PPP1R9A: variants seen among roughly 807,000 people sequenced by gnomAD.
PPP1R9A encodes the protein protein phosphatase 1 regulatory subunit 9A, also known as neurabin-1.
A neutral mutation model predicts 141.9 loss-of-function variants in PPP1R9A; 59 were observed. The observed-to-expected ratio is 0.42, with a 90% confidence interval of 0.34 to 0.52. The LOEUF (loss-of-function observed/expected upper bound fraction) is 0.52, where lower values mean the gene tolerates loss of function less well. Ranked by LOEUF, PPP1R9A falls within the 20% of genes least tolerant of loss-of-function variation. The probability of loss-of-function intolerance (pLI) is 0.10; values close to 1 mark genes in which losing one functional copy is unlikely to be tolerated. For synonymous variants in PPP1R9A, 500 were observed against 569.7 expected, an observed-to-expected ratio of 0.88 and a Z score of 1.74; for missense variants, 1,444 against 1,611.9, an observed-to-expected ratio of 0.90 and a Z score of 1.78.
intron 4 of PPP1R9A, among the ~76,000 whole-genome samples, chr7:95,123,874 A>G (rs1488220219): frequency 1.3e-5 from 2 of 152,210 alleles, no homozygotes; most frequent in East Asian, 3.8e-4. Context: ...TTCTTGAACC[A>G]AGTAAGAGTA....
At chr7:95,203,174 A>C (rs1422817624) in intron 6 of PPP1R9A, among the ~76,000 whole-genome samples, 1 of 151,948 alleles carries the variant, frequency 6.6e-6, no homozygotes, top group Non-Finnish European at 1.5e-5. Flanking sequence ...TTTTTTTAGA[A>C]TCTTTTAAAG....
chr7:94,914,897 G>C (rs1340951531), intron 2 of PPP1R9A, among the ~76,000 whole-genome samples: 1 of 152,164 alleles, frequency 6.6e-6, no homozygotes, highest in African/African-American at 2.4e-5. Flanking sequence ...AAGCTCTCAG[G>C]CTGTTCCCAA....
chr7:94,990,055 T>C (rs1801320411), intron 2 of PPP1R9A, among the ~76,000 whole-genome samples: 1 of 152,134 alleles, frequency 6.6e-6, no homozygotes, highest in Non-Finnish European at 1.5e-5. Context: ...AGTCATTTTA[T>C]ACATAATAAA....
chr7:94,916,129 A>G (rs928279961), intron 2 of PPP1R9A, among the ~76,000 whole-genome samples: 2 of 152,106 alleles, frequency 1.3e-5, no homozygotes, highest in Non-Finnish European at 2.9e-5. Flanking sequence ...TTGCATTCTC[A>G]TTATCAATAC....
chr7:95,162,091 T>C (rs550718464), intron 5 of PPP1R9A, 120 bp downstream of exon 5: 155 of 556,604 alleles, frequency 2.8e-4, no homozygotes, highest in African/African-American at 1.7e-3. Flanking sequence ...AGTAAAACTT[T>C]GCTTTTAGTT....
At chr7:95,140,682 C>T (rs1276059754) in intron 4 of PPP1R9A, among the ~76,000 whole-genome samples, 1 of 152,188 alleles carries the variant, frequency 6.6e-6, no homozygotes, top group African/African-American at 2.4e-5. Context: ...TGACCCACCA[C>T]AACTGGCCAG....
At chr7:95,112,366 A>G (rs1563252681) in intron 3 of PPP1R9A, among the ~76,000 whole-genome samples, 1 of 152,336 alleles carries the variant, frequency 6.6e-6, no homozygotes, top group East Asian at 1.9e-4. Context: ...ATGAGACACC[A>G]TCTCACACCA....
In PPP1R9A at chr7:95,092,754, G is replaced by A. The variant is rs547547719; in HGVS notation, c.1396-18505G>A. 1.4e-4 allele frequency among the ~76,000 whole-genome samples: 21 copies of A among 152,298 alleles called. No individual in the cohort carries two copies. In the East Asian group the frequency reaches 2.3e-3, roughly 17 times the overall value. ...CAAATGAAATGCGGCATATAAGTAC[G>A]AAAGGACTACAGGTGTTCTAGACAA... On this transcript the variant is annotated intron_variant, in intron 2 of 19. Coordinates refer to ENST00000433360, the MANE Select transcript of PPP1R9A (RefSeq NM_001166160.2).
chr7:94,986,058 G>A (rs575064270), intron 2 of PPP1R9A, among the ~76,000 whole-genome samples: 3 of 152,218 alleles, frequency 2.0e-5, no homozygotes, highest in South Asian at 2.1e-4. Flanking sequence ...AAATATAATG[G>A]AGAAAATTTT....
At chr7:95,144,668 T>A (rs1384774869) in intron 4 of PPP1R9A, among the ~76,000 whole-genome samples, 2 of 152,150 alleles carry the variant, frequency 1.3e-5, no homozygotes, top group Non-Finnish European at 1.5e-5. Flanking sequence ...ACATTACCTT[T>A]AAGATCAGGG....
chr7:94,986,588 A>G (rs1011609171), intron 2 of PPP1R9A, among the ~76,000 whole-genome samples: 1 of 152,210 alleles, frequency 6.6e-6, no homozygotes, highest in African/African-American at 2.4e-5. Context: ...AATTTAGTGT[A>G]TATTTTCAAA....
At chr7:95,162,923 C>T (rs755756917) in intron 5 of PPP1R9A, among the ~76,000 whole-genome samples, 13 of 152,162 alleles carry the variant, frequency 8.5e-5, no homozygotes, top group Admixed American at 5.9e-4. Context: ...CTTCTGTGGG[C>T]GCTATGTTGA....
At chr7:94,963,980 A>G (rs1021586581) in intron 2 of PPP1R9A, among the ~76,000 whole-genome samples, 1 of 152,142 alleles carries the variant, frequency 6.6e-6, no homozygotes, top group Non-Finnish European at 1.5e-5. Context: ...AGGAAAATAT[A>G]TATTCCAACT....
chr7:94,983,956 T>A (rs980886554), intron 2 of PPP1R9A, among the ~76,000 whole-genome samples: 59 of 152,208 alleles, frequency 3.9e-4, no homozygotes, highest in Non-Finnish European at 7.8e-4. Flanking sequence ...AGTATGATAC[T>A]GGCTGTGGGT....
At chr7:95,117,840 A>G (rs1468476227) in intron 3 of PPP1R9A, among the ~76,000 whole-genome samples, 1 of 152,200 alleles carries the variant, frequency 6.6e-6, no homozygotes, top group African/African-American at 2.4e-5. Flanking sequence ...ATACTAATAC[A>G]TATATACACC....
In PPP1R9A at chr7:95,120,715, A is replaced by G. The variant is rs1209605341; in HGVS notation, c.1532A>G (p.Glu511Gly). ...ELFPVELEKD[E>G]DGLGISIIGM... ...CCCCTTTTTTTCTTTTTAATAGATG[A>G]GGATGGTCTTGGTATAAGTATTATT... is the stretch of plus-strand genomic sequence containing the variant. The change falls in exon 4 of 20, where the codon GAG (glutamate) becomes GGG (glycine). Residue 511 changes from glutamate to glycine, a missense_variant. This residue lies in a region of PPP1R9A where 488 missense variants were observed against 542.0 expected (regional missense o/e 0.90). Coordinates refer to ENST00000433360, the MANE Select transcript of PPP1R9A (RefSeq NM_001166160.2). 4 of 1,609,884 alleles carry G rather than the reference A, an allele frequency of 2.5e-6. No homozygotes were observed. The highest frequency in any genetic ancestry group is 3.4e-6 in the Non-Finnish European group (4 of 1,178,320).
chr7:95,231,534 AT>A, intron 8 of PPP1R9A, among the ~76,000 whole-genome samples: 1 of 152,178 alleles, frequency 6.6e-6, no homozygotes, highest in East Asian at 1.9e-4. Flanking sequence ...GAAAATTGAA[AT>A]TATCTCAAGT....
chr7:95,109,802 A>G (rs1820219965), intron 2 of PPP1R9A, among the ~76,000 whole-genome samples: 1 of 151,726 alleles, frequency 6.6e-6, no homozygotes, highest in Non-Finnish European at 1.5e-5. Flanking sequence ...CTACTACTGC[A>G]CTCCAGCTTG....
chr7:95,238,440 A>C (rs1350630553), intron 8 of PPP1R9A, among the ~76,000 whole-genome samples: 1 of 152,110 alleles, frequency 6.6e-6, no homozygotes, highest in Non-Finnish European at 1.5e-5. Context: ...GGTTATGTGG[A>C]GAAGACTAAA....
Sources: gnomAD v4.1 joint callset for allele counts (sites outside exome capture counted in the v4.1 genomes callset) on GRCh38, gnomAD v4.1.1 for gene constraint, gnomAD v4.1.1 regional missense constraint, MANE v1.5 for transcripts, NCBI Gene and HGNC (gene_info 2026-07-23, HGNC 2026-07-21) for gene names.